PTPRN2: variants seen among roughly 807,000 people sequenced by gnomAD.
PTPRN2 encodes the protein receptor-type tyrosine-protein phosphatase N2.
A neutral mutation model predicts 118.8 loss-of-function variants in PTPRN2; 74 were observed. The ratio of observed to expected loss-of-function variants is 0.62; its 90% CI spans 0.52 to 0.76. The LOEUF is 0.76. Ranked by LOEUF, PTPRN2 falls within the 30% of genes least tolerant of loss-of-function variation. The pLI is 0.00. For missense variants in PTPRN2, 1,481 were observed against 1,394.4 expected (o/e 1.06, Z -0.99); for synonymous variants, 641 against 608.0 (o/e 1.05, Z -0.80).
chr7:158,051,215 T>TTGTGGACCAGCCCAGC (rs537766082), intron 11 of PTPRN2, among the ~76,000 whole-genome samples: 391 of 152,288 alleles, frequency 2.6e-3, no homozygotes, highest in African/African-American at 8.4e-3. Flanking sequence ...CAGTGTCACT[T>TTGTGGACCAGCCCAGC]TGTGGACCAG....
At chr7:158,199,751 T>TCAC in intron 4 of PTPRN2, among the ~76,000 whole-genome samples, 1 of 152,272 alleles carries the variant, frequency 6.6e-6, no homozygotes, top group East Asian at 1.9e-4. Context: ...ATTCTGTCCT[T>TCAC]CACCACCATT....
rs13307354 is a variant in PTPRN2, at chr7:158,158,730, T to C, written c.910+8201A>G. Among the ~76,000 whole-genome samples, 26 of 18,788 alleles carry C rather than the reference T, an allele frequency of 1.4e-3. 1 individual carries two copies. Among genetic ancestry groups the C allele is most frequent in the African/African-American group, 5.8e-3 (15 of 2,596 alleles). The allele number at this position is 18,788 out of a possible 152,430, so 12.3% of individuals were successfully genotyped here. The stretch of plus-strand genomic sequence containing the variant: ...ATTGGCCGGGACTTCGCAAGGGCTT[T>C]CTGAATGAATGAGTGAACTCGGAAG... On this transcript the variant is annotated intron_variant, in intron 6 of 22. Coordinates refer to ENST00000389418, the MANE Select transcript of PTPRN2 (RefSeq NM_002847.5).
At chr7:158,376,541 T>C (rs1209531418) in intron 2 of PTPRN2, among the ~76,000 whole-genome samples, 13 of 69,948 alleles carry the variant, frequency 1.9e-4, no homozygotes, top group South Asian at 6.4e-4. Flanking sequence ...CAGGGGACTC[T>C]CCCACATCCC....
chr7:157,547,608 G>A (rs533947812), intron 22 of PTPRN2, among the ~76,000 whole-genome samples: 1 of 152,124 alleles, frequency 6.6e-6, no homozygotes, highest in East Asian at 1.9e-4. Flanking sequence ...TTGTGAACAA[G>A]CAGAAGGAAA....
intron 11 of PTPRN2, among the ~76,000 whole-genome samples, chr7:157,948,843 T>C (rs758434555): frequency 4.6e-5 from 7 of 152,178 alleles, no homozygotes; most frequent in African/African-American, 7.2e-5. Flanking sequence ...GTGAGTCCGG[T>C]TGGCCTTAAA....
chr7:157,695,187 G>A (rs1185633685), intron 12 of PTPRN2, among the ~76,000 whole-genome samples: 2 of 151,916 alleles, frequency 1.3e-5, no homozygotes, highest in Non-Finnish European at 2.9e-5. Context: ...AATATCCCAT[G>A]CACTAAATTA....
intron 21 of PTPRN2, among the ~76,000 whole-genome samples, chr7:157,552,800 C>T (rs977760653): frequency 6.6e-6 from 1 of 152,230 alleles, no homozygotes; most frequent in African/African-American, 2.4e-5. Context: ...TGGGTTTCCG[C>T]TCCGCGTGCC....
At chr7:158,436,663 C>T (rs1470832400) in intron 2 of PTPRN2, among the ~76,000 whole-genome samples, 1 of 152,194 alleles carries the variant, frequency 6.6e-6, no homozygotes, top group African/African-American at 2.4e-5. Context: ...CATCTTTATA[C>T]CTGAGAAACA....
chr7:158,106,596 C>T (rs1405548704), intron 10 of PTPRN2, among the ~76,000 whole-genome samples: 1 of 152,222 alleles, frequency 6.6e-6, no homozygotes, highest in South Asian at 2.1e-4. Flanking sequence ...AAGAGGATGT[C>T]TCCAGGGGCT....
At chr7:158,545,542 G>C (rs1826228201) in intron 1 of PTPRN2, among the ~76,000 whole-genome samples, 1 of 152,138 alleles carries the variant, frequency 6.6e-6, no homozygotes, top group Non-Finnish European at 1.5e-5. Flanking sequence ...CGCTATTCTG[G>C]AATATCGTTG....
At chr7:158,488,447 G>A (rs1387548921) in intron 2 of PTPRN2, among the ~76,000 whole-genome samples, 1 of 152,162 alleles carries the variant, frequency 6.6e-6, no homozygotes, top group Admixed American at 6.5e-5. Flanking sequence ...TTCCCTTCCC[G>A]ACCCCAGAAG....
At position 157,801,540 on chromosome 7, in the gene PTPRN2, A is replaced by T. The variant is rs2151097407; in HGVS notation, c.1788+97133T>A. Among the ~76,000 whole-genome samples, 1 of 152,270 alleles carries T rather than the reference A, an allele frequency of 6.6e-6. No individual in the cohort carries two copies. Among genetic ancestry groups the T allele is most frequent in the African/African-American group, 2.4e-5 (1 of 41,558 alleles). ...CATTTCTGCCCCACTGGGTTGAGAA[A>T]TCTGTGGGTGATAGAGTATAGGTAA... On this transcript the variant is annotated intron_variant, in intron 12 of 22. Coordinates refer to ENST00000389418, the MANE Select transcript of PTPRN2 (RefSeq NM_002847.5). The surrounding 1 kb of genome is among the most constrained non-coding windows in gnomAD (Gnocchi z 4.2).
chr7:158,103,992 G>A (rs1232837654), intron 10 of PTPRN2, among the ~76,000 whole-genome samples: 2 of 151,892 alleles, frequency 1.3e-5, no homozygotes, highest in Non-Finnish European at 1.5e-5. Context: ...CTCCCAAGTA[G>A]CTGGGATTAC....
At chr7:158,486,694 T>C (rs1477875210) in intron 2 of PTPRN2, among the ~76,000 whole-genome samples, 3 of 152,226 alleles carry the variant, frequency 2.0e-5, no homozygotes, top group African/African-American at 7.2e-5. Context: ...CTAAAACCCT[T>C]ACAGCTGAAG....
At position 157,592,342 on chromosome 7, in the gene PTPRN2, G is replaced by A. The variant is rs369120143; in HGVS notation, c.2496+2896C>T. ...CACGCTATGAGCCTCTGAGTCTCAC[G>A]GACCACAGAGACTACAGGTCAGCAT... is the stretch of plus-strand genomic sequence containing the variant. On this transcript the variant is annotated intron_variant, in intron 17 of 22. Coordinates refer to ENST00000389418, the MANE Select transcript of PTPRN2 (RefSeq NM_002847.5). 2.8e-3 allele frequency among the ~76,000 whole-genome samples: 422 copies of A among 152,334 alleles called. 3 individuals are homozygous for A. The highest frequency in any genetic ancestry group is 9.8e-3 in the African/African-American group (406 of 41,572).
chr7:158,435,250 A>G (rs186821295), intron 2 of PTPRN2, among the ~76,000 whole-genome samples: 48 of 152,330 alleles, frequency 3.2e-4, no homozygotes, highest in African/African-American at 1.1e-3. Flanking sequence ...CAACCCAATA[A>G]CCAAAAACAA....
intron 21 of PTPRN2, among the ~76,000 whole-genome samples, chr7:157,556,938 C>T (rs897769717): frequency 2.6e-5 from 4 of 151,646 alleles, no homozygotes; most frequent in African/African-American, 9.7e-5. Context: ...GCCCACATGA[C>T]ATGCACACCC....
chr7:157,812,396 T>TGAGGGAG (rs1554455859), intron 12 of PTPRN2, among the ~76,000 whole-genome samples: 5 of 146,740 alleles, frequency 3.4e-5, no homozygotes, highest in Admixed American at 1.3e-4. Context: ...ATGAGGGAGG[T>TGAGGGAG]GAGGGAGGAG....
chr7:158,497,359 G>A (rs57920588), intron 1 of PTPRN2, among the ~76,000 whole-genome samples: 2,856 of 150,090 alleles, frequency 0.019, 112 homozygotes, highest in African/African-American at 0.067. Context: ...TTCACCTGCC[G>A]ATCCAGAGTA....
Sources: gnomAD v4.1 joint callset for allele counts (sites outside exome capture counted in the v4.1 genomes callset) on GRCh38, gnomAD v4.1.1 for gene constraint, Gnocchi (gnomAD v3.1) non-coding constraint, MANE v1.5 for transcripts, NCBI Gene and HGNC (gene_info 2026-07-23, HGNC 2026-07-21) for gene names.